Variants in FILIP1L observed in about 807,000 individuals in gnomAD.
The protein encoded by FILIP1L is filamin A interacting protein 1 like.
Under a neutral mutation model 96.6 loss-of-function variants are expected in FILIP1L, and 55 were observed. That is an observed-to-expected ratio of 0.57 (90% CI 0.46 to 0.71). The LOEUF is 0.71. Ranked by LOEUF, FILIP1L falls within the 30% of genes least tolerant of loss-of-function variation. The pLI is 0.00. For synonymous variants in FILIP1L, 467 were observed against 473.9 expected, an observed-to-expected ratio of 0.99 and a Z score of 0.19; for missense variants, 1,304 against 1,321.2, an observed-to-expected ratio of 0.99 and a Z score of 0.20.
At chr3:99,886,038 A>T (rs1705883870) in intron 4 of FILIP1L, among the ~76,000 whole-genome samples, 1 of 152,266 alleles carries the variant, frequency 6.6e-6, no homozygotes, top group Non-Finnish European at 1.5e-5. Context: ...TTGAGTGGAT[A>T]AAAGAGGTAT....
Position 99,851,035 on chromosome 3 carries a change from T to G in FILIP1L, c.641A>C (p.Gln214Pro), listed in dbSNP as rs1184389822. 1 of 1,600,798 alleles carries G rather than the reference T, an allele frequency of 6.2e-7. No homozygotes were observed. Among genetic ancestry groups the G allele is most frequent in the African/African-American group, 1.3e-5 (1 of 74,284 alleles). The change falls in exon 5 of 6, where the codon CAG (glutamine) becomes CCG (proline). Residue 214 changes from glutamine (Q) to proline (P), a missense_variant. Gln to Pro is a moderately conservative substitution (Grantham distance 76). Transcript: ENST00000477258. Reference sequence around the variant, plus strand: ...CTCCTTTTCTTGCTCCTTCTCCTCCTGAGACTTGATTTCTTGATCAATTAG... The same window carrying G: ...CTCCTTTTCTTGCTCCTTCTCCTCCGGAGACTTGATTTCTTGATCAATTAG... ...KKLIDQEIKS[Q>P]EEKEQEKEKR...
intron 1 of FILIP1L, among the ~76,000 whole-genome samples, chr3:100,096,669 AAAAG>A (rs1365340328): frequency 2.0e-5 from 3 of 151,490 alleles, no homozygotes; most frequent in African/African-American, 7.2e-5. Flanking sequence ...ACAAAAAAAA[AAAAG>A]AAAGAATGAA....
chr3:99,865,821 G>GT (rs1338393113), intron 4 of FILIP1L, among the ~76,000 whole-genome samples: 4 of 151,802 alleles, frequency 2.6e-5, no homozygotes, highest in South Asian at 2.1e-4. Flanking sequence ...ATATTTATAT[G>GT]TTTTTTTATT....
intron 4 of FILIP1L, among the ~76,000 whole-genome samples, chr3:99,913,496 A>T (rs1706857801): frequency 6.6e-6 from 1 of 152,244 alleles, no homozygotes; most frequent in Admixed American, 6.5e-5. Context: ...TTAACCAAAG[A>T]ATGTTTAATA....
At chr3:100,076,094 A>C (rs1244088479) in intron 1 of FILIP1L, among the ~76,000 whole-genome samples, 1 of 152,172 alleles carries the variant, frequency 6.6e-6, no homozygotes, top group African/African-American at 2.4e-5. Context: ...CTGGAAACTC[A>C]CTGTTTCATC....
At chr3:99,863,080 G>A (rs778046288) in intron 4 of FILIP1L, among the ~76,000 whole-genome samples, 4 of 152,156 alleles carry the variant, frequency 2.6e-5, no homozygotes, top group South Asian at 2.1e-4. Context: ...TGGCACCAGG[G>A]ACCAGTTTTG....
intron 1 of FILIP1L, among the ~76,000 whole-genome samples, chr3:99,968,428 G>GA (rs1559707510): frequency 2.2e-3 from 306 of 141,332 alleles, no homozygotes; most frequent in Middle Eastern, 3.5e-3. Flanking sequence ...TGTTTTTGGG[G>GA]GAAAAAAAAA....
chr3:100,069,461 G>A (rs1162423598), intron 1 of FILIP1L, among the ~76,000 whole-genome samples: 1 of 152,114 alleles, frequency 6.6e-6, no homozygotes, highest in Non-Finnish European at 1.5e-5. Context: ...GGCTGGTTGT[G>A]TGTTCCAGAC....
chr3:99,958,418 A>G (rs927750715), intron 1 of FILIP1L, among the ~76,000 whole-genome samples: 2 of 152,070 alleles, frequency 1.3e-5, no homozygotes, highest in African/African-American at 4.8e-5. Context: ...TACAGTGGGC[A>G]GTGTGTGACT....
rs1394510698 is a variant in FILIP1L, at chr3:99,864,083, G to A, written c.606-13013C>T. ...TTTTAATGGAATTAATATGTAGGAG[G>A]TATGGAAGACATATACTTTTGCTGT... On this transcript the variant is annotated intron_variant, in intron 4 of 5. Coordinates refer to ENST00000477258, the MANE Select transcript of FILIP1L (RefSeq NM_001387850.1). Among the ~76,000 whole-genome samples the A allele has an allele frequency of 3.3e-5, 5 of 152,210 alleles. No homozygotes were observed. The East Asian group carries it at 5.8e-4, about 18-fold the overall frequency.
chr3:100,090,376 A>G (rs1039050151), intron 1 of FILIP1L, among the ~76,000 whole-genome samples: 2 of 152,240 alleles, frequency 1.3e-5, no homozygotes, highest in Non-Finnish European at 2.9e-5. Context: ...ATGGGATTCA[A>G]TCATGCTGGT....
chr3:100,053,186 G>T (rs1325488175), intron 1 of FILIP1L, among the ~76,000 whole-genome samples: 6 of 152,102 alleles, frequency 3.9e-5, no homozygotes, highest in Admixed American at 3.3e-4. Flanking sequence ...TTCTGCCCCA[G>T]AAGTGTCTTG....
At chr3:99,847,012 C>A (rs1396283496) in intron 5 of FILIP1L, among the ~76,000 whole-genome samples, 1 of 152,170 alleles carries the variant, frequency 6.6e-6, no homozygotes, top group Non-Finnish European at 1.5e-5. Context: ...CAGGGACTCC[C>A]ATGAGGCAGA....
chr3:99,987,714 C>T (rs1274407733), intron 1 of FILIP1L, among the ~76,000 whole-genome samples: 1 of 152,084 alleles, frequency 6.6e-6, no homozygotes, highest in African/African-American at 2.4e-5. Context: ...CCCAAGACCT[C>T]AGTTATTTTC....
chr3:100,098,726 G>A (rs1272476007), intron 1 of FILIP1L, among the ~76,000 whole-genome samples: 1 of 152,136 alleles, frequency 6.6e-6, no homozygotes, highest in East Asian at 1.9e-4. Context: ...GAATGTCATT[G>A]CCGTATACAG....
chr3:100,068,129 A>G (rs1044692864), intron 1 of FILIP1L, among the ~76,000 whole-genome samples: 3 of 152,244 alleles, frequency 2.0e-5, no homozygotes, highest in Non-Finnish European at 4.4e-5. Context: ...CTCCAAGGCA[A>G]TCAGAGAAAT....
chr3:99,903,158 T>G (rs1384218797), intron 4 of FILIP1L, among the ~76,000 whole-genome samples: 1 of 152,196 alleles, frequency 6.6e-6, no homozygotes, highest in African/African-American at 2.4e-5. Flanking sequence ...AGGGTTGTTA[T>G]GAGGATTAAA....
chr3:100,069,542 A>G (rs1339017206), intron 1 of FILIP1L, among the ~76,000 whole-genome samples: 1 of 152,080 alleles, frequency 6.6e-6, no homozygotes, highest in Non-Finnish European at 1.5e-5. Flanking sequence ...ACGGCAGCCA[A>G]TGGAATCAAT....
At chr3:100,056,581 G>A (rs1255528275) in intron 1 of FILIP1L, among the ~76,000 whole-genome samples, 1 of 152,044 alleles carries the variant, frequency 6.6e-6, no homozygotes, top group Non-Finnish European at 1.5e-5. Flanking sequence ...ATCTGCTTGT[G>A]ATTAACAAGT....
Sources: gnomAD v4.1 joint callset for allele counts (sites outside exome capture counted in the v4.1 genomes callset) on GRCh38, gnomAD v4.1.1 for gene constraint, MANE v1.5 for transcripts, NCBI Gene and HGNC (gene_info 2026-07-23, HGNC 2026-07-21) for gene names.